Variants in CCDC7 observed in about 807,000 individuals in gnomAD.
CCDC7 encodes the protein coiled-coil domain containing 7.
CCDC7 carries 183 observed loss-of-function variants against 196.9 expected under a neutral mutation model. The observed-to-expected ratio is 0.93, with a 90% CI of 0.82 to 1.05. The LOEUF (loss-of-function observed/expected upper bound fraction) is 1.05, where lower values mean the gene tolerates loss of function less well. Ranked by LOEUF, CCDC7 falls within the 50% of genes least tolerant of loss-of-function variation. The pLI, the probability that CCDC7 is intolerant of heterozygous loss-of-function variation, is 0.00. For missense variants in CCDC7, 1,540 were observed against 1,482.2 expected (o/e 1.04, Z -0.64); for synonymous variants, 525 against 484.6 (o/e 1.08, Z -1.10).
At chr10:32,828,438 GGAGAAGAA>G (rs2091500301) in intron 32 of CCDC7, among the ~76,000 whole-genome samples, 1 of 60,492 alleles carries the variant, frequency 1.7e-5, no homozygotes, top group African/African-American at 3.9e-5. Flanking sequence ...AAGGAAGGAA[GGAGAAGAA>G]GAAGAAGAAG....
intron 28 of CCDC7, among the ~76,000 whole-genome samples, chr10:32,770,176 C>T (rs2078956467): frequency 6.6e-6 from 1 of 151,976 alleles, no homozygotes; most frequent in African/African-American, 2.4e-5. Context: ...TTGGTTTGTT[C>T]TTGTGTTTCT....
intron 28 of CCDC7, among the ~76,000 whole-genome samples, chr10:32,739,940 T>A (rs2085540647): frequency 6.6e-6 from 1 of 152,048 alleles, no homozygotes; most frequent in South Asian, 2.1e-4. Context: ...TAATCTGCTA[T>A]TATTATGCAG....
intron 9 of CCDC7, among the ~76,000 whole-genome samples, chr10:32,514,922 C>T (rs1368030134): frequency 1.3e-5 from 2 of 152,232 alleles, no homozygotes; most frequent in Admixed American, 6.5e-5. Context: ...ACTCCTAGGC[C>T]CAAGGCATCT....
chr10:32,495,761 T>C (rs2042820310), intron 9 of CCDC7, among the ~76,000 whole-genome samples: 2 of 152,200 alleles, frequency 1.3e-5, no homozygotes, highest in Admixed American at 1.3e-4. Flanking sequence ...ATATCTGTTT[T>C]GGTACCAGTA....
intron 3 of CCDC7, among the ~76,000 whole-genome samples, chr10:32,456,942 T>G (rs1403757049): frequency 2.6e-5 from 4 of 151,982 alleles, no homozygotes; most frequent in Admixed American, 2.6e-4. Flanking sequence ...TGGGTAGTGG[T>G]CAAATCAGAG....
intron 20 of CCDC7, among the ~76,000 whole-genome samples, chr10:32,643,385 A>T (rs1322413838): frequency 2.0e-5 from 3 of 151,814 alleles, no homozygotes; most frequent in African/African-American, 7.3e-5. Context: ...GTCTTTCTGG[A>T]TTTTTATAAT....
intron 18 of CCDC7, among the ~76,000 whole-genome samples, chr10:32,597,009 T>A (rs1294688131): frequency 6.6e-6 from 1 of 152,158 alleles, no homozygotes; most frequent in African/African-American, 2.4e-5. Context: ...CGTCTTGGGG[T>A]TGCTCTTCTC....
intron 28 of CCDC7, among the ~76,000 whole-genome samples, chr10:32,734,486 G>C (rs967503744): frequency 6.6e-6 from 1 of 152,002 alleles, no homozygotes; most frequent in Non-Finnish European, 1.5e-5. Context: ...GTAACTATTG[G>C]GTATTGGGCT....
At chr10:32,553,587 A>T (rs1023829629) in intron 13 of CCDC7, among the ~76,000 whole-genome samples, 8 of 151,976 alleles carry the variant, frequency 5.3e-5, no homozygotes. Flanking sequence ...TGTTGTTCAA[A>T]TTCTTTTGTC....
chr10:32,509,125 T>C (rs1161435161), intron 9 of CCDC7, among the ~76,000 whole-genome samples: 1 of 152,082 alleles, frequency 6.6e-6, no homozygotes, highest in African/African-American at 2.4e-5. Context: ...CCTGAGCCAC[T>C]GCACCTGGCC....
intron 28 of CCDC7, among the ~76,000 whole-genome samples, chr10:32,777,511 TC>T (rs35448572): frequency 0.099 from 15,078 of 152,214 alleles, 970 homozygotes; most frequent in Non-Finnish European, 0.14. Flanking sequence ...TGTGTACATG[TC>T]CCCTTTTCTC....
intron 28 of CCDC7, among the ~76,000 whole-genome samples, chr10:32,729,750 C>G (rs2083640205): frequency 1.3e-5 from 2 of 152,160 alleles, no homozygotes; most frequent in South Asian, 4.1e-4. Context: ...TTATATTCTT[C>G]AAAACTTTAT....
At chr10:32,492,136 A>G in intron 9 of CCDC7, 139 bp downstream of exon 10, 1 of 772,738 alleles carries the variant, frequency 1.3e-6, no homozygotes, top group Non-Finnish European at 1.8e-6. Flanking sequence ...AACATAAAGA[A>G]GAAAATAACA....
chr10:32,789,381 GAGAT>G (rs1458407273), intron 29 of CCDC7, among the ~76,000 whole-genome samples: 1 of 151,858 alleles, frequency 6.6e-6, no homozygotes, highest in African/African-American at 2.4e-5. Context: ...ACTCAATAAA[GAGAT>G]AGAAATCATA....
chr10:32,742,632 T>C (rs1369608532), intron 28 of CCDC7, among the ~76,000 whole-genome samples: 2 of 152,164 alleles, frequency 1.3e-5, no homozygotes, highest in Non-Finnish European at 2.9e-5. Flanking sequence ...CATAACAAAA[T>C]ACCATAGACT....
At chr10:32,443,904 A>T (rs1445841858), upstream of CCDC7, among the ~76,000 whole-genome samples, 1 of 152,218 alleles carries the variant, frequency 6.6e-6, no homozygotes, top group African/African-American at 2.4e-5. Flanking sequence ...TAAAAAGTTG[A>T]CATTTTAGCA....
Position 32,854,384 on chromosome 10 carries a change from G to T in CCDC7, c.4022-16G>T, listed in dbSNP as rs1436749953. On this transcript the variant is annotated splice_polypyrimidine_tract_variant and intron_variant, in intron 40 of 41. Transcript: ENST00000639629. ...ATTTACCACATAATTTAATAACACT[G>T]TTCTCATTTTTTTAGGGCATTCGAA... 1 of 1,445,134 alleles carries T rather than the reference G, an allele frequency of 6.9e-7. No homozygotes were observed. The highest frequency in any genetic ancestry group is 9.7e-7 in the Non-Finnish European group (1 of 1,035,164). 89.5% of individuals were successfully genotyped at this position (1,445,134 alleles called of 1,614,324 possible).
chr10:32,767,381 G>T (rs889083748), intron 28 of CCDC7, among the ~76,000 whole-genome samples: 1 of 152,128 alleles, frequency 6.6e-6, no homozygotes, highest in Admixed American at 6.6e-5. Flanking sequence ...ATTTCAGGGA[G>T]CCAAGTGGTA....
At chr10:32,513,135 T>TG (rs1449653044) in intron 9 of CCDC7, 5 of 152,062 alleles carry the variant, frequency 3.3e-5, no homozygotes, top group Non-Finnish European at 5.9e-5. Context: ...ATCAGTGCGA[T>TG]GGTAGCAGAA....
Sources: allele counts gnomAD v4.1 joint callset (sites outside exome capture counted in the v4.1 genomes callset), GRCh38; gene constraint gnomAD v4.1.1; transcripts MANE v1.5; gene names NCBI Gene and HGNC (gene_info 2026-07-23, HGNC 2026-07-21).